CLIP1: variants seen among roughly 807,000 people sequenced by gnomAD.
The protein encoded by CLIP1 is CAP-Gly domain containing linker protein 1, also known as CAP-Gly domain-containing linker protein 1.
CLIP1 carries 66 observed loss-of-function variants against 161.6 expected under a neutral mutation model. The ratio of observed to expected loss-of-function variants is 0.41; its 90% confidence interval spans 0.33 to 0.50. The LOEUF is 0.50. Among genes scored for constraint, CLIP1 ranks in the 20% least tolerant of loss-of-function variants. CLIP1 has a pLI of 0.27. For synonymous variants in CLIP1, 598 were observed against 626.2 expected, an observed-to-expected ratio of 0.96 and a Z score of 0.67; for missense variants, 1,376 against 1,702.0, an observed-to-expected ratio of 0.81 and a Z score of 3.37.
intron 20 of CLIP1, among the ~76,000 whole-genome samples, chr12:122,307,260 G>A (rs1384390710): frequency 6.6e-6 from 1 of 151,914 alleles, no homozygotes; most frequent in African/African-American, 2.4e-5. Context: ...ACCCGCCTCG[G>A]CCTCCCAAAA....
chr12:122,271,967 A>T lies in CLIP1; in HGVS notation c.*908T>A, dbSNP rs1179424093. On this transcript the variant is annotated 3_prime_UTR_variant, in exon 26 of 26. Coordinates refer to ENST00000620786, the MANE Select transcript of CLIP1 (RefSeq NM_001247997.2). The stretch of plus-strand genomic sequence containing the variant: ...AAAATTGGAGAAAATTCCTCCAGTT[A>T]TTTAAATCTGGTGAAGAAATAAAAG... 1 of 152,652 alleles carries T rather than the reference A, an allele frequency of 6.6e-6. No individual in the cohort carries two copies. The highest frequency in any genetic ancestry group is 1.5e-5 in the Non-Finnish European group (1 of 68,044). The allele number at this position is 152,652 out of a possible 1,614,324, so 9.5% of individuals were successfully genotyped here. A position where few individuals can be genotyped will look rare whatever the true frequency, so the allele number is the denominator to read the frequency against.
At chr12:122,297,227 C>T (rs1950509022) in intron 20 of CLIP1, among the ~76,000 whole-genome samples, 1 of 152,100 alleles carries the variant, frequency 6.6e-6, no homozygotes, top group Non-Finnish European at 1.5e-5. Flanking sequence ...GGTTTTATGT[C>T]TGTCAGCTAC....
intron 1 of CLIP1, among the ~76,000 whole-genome samples, chr12:122,388,063 T>A (rs188972319): frequency 6.6e-6 from 1 of 152,038 alleles, no homozygotes; most frequent in African/African-American, 2.4e-5. Flanking sequence ...TATTCAAGAG[T>A]CAACTATACA....
At chr12:122,419,913 C>T (rs1240659627) in intron 1 of CLIP1, among the ~76,000 whole-genome samples, 1 of 110,924 alleles carries the variant, frequency 9.0e-6, no homozygotes, top group African/African-American at 3.4e-5. Flanking sequence ...GAGCGAGATG[C>T]GAGACTCTGT....
At chr12:122,358,695 C>CT (rs2136541424) in intron 5 of CLIP1, among the ~76,000 whole-genome samples, 1 of 150,594 alleles carries the variant, frequency 6.6e-6, no homozygotes, top group African/African-American at 2.4e-5. Context: ...TTGTAAAATG[C>CT]TTATTACATT....
chr12:122,281,707 C>T (rs12823325), intron 21 of CLIP1, among the ~76,000 whole-genome samples: 33,738 of 151,222 alleles, frequency 0.22, 4,887 homozygotes, highest in East Asian at 0.62. Context: ...GAGCAAGACC[C>T]CGTCTGAAAA....
At chr12:122,343,074 A>G (rs1290485940) in intron 10 of CLIP1, 1 of 151,882 alleles carries the variant, frequency 6.6e-6, no homozygotes, top group Non-Finnish European at 1.5e-5. Context: ...AAATGTTTCA[A>G]TGAATAACAC....
At chr12:122,332,471 A>C (rs1315014326) in intron 15 of CLIP1, among the ~76,000 whole-genome samples, 1 of 151,964 alleles carries the variant, frequency 6.6e-6, no homozygotes, top group Non-Finnish European at 1.5e-5. Flanking sequence ...CCCAGGCTAG[A>C]GTGCAGTGGC....
intron 5 of CLIP1, among the ~76,000 whole-genome samples, chr12:122,359,923 A>G (rs1023408334): frequency 6.6e-6 from 1 of 152,182 alleles, no homozygotes; most frequent in Non-Finnish European, 1.5e-5. Flanking sequence ...TATTTGCCCC[A>G]CTTCTAGGTA....
At chr12:122,356,240 A>C (rs543106807) in intron 5 of CLIP1, 34 of 152,346 alleles carry the variant, frequency 2.2e-4, no homozygotes, top group African/African-American at 7.2e-4. Context: ...TGTGGTTCCC[A>C]AACCATGTGC....
rs770973031 is a variant in CLIP1, at chr12:122,271,745, T to A, written c.*1130A>T. The A allele has an allele frequency of 6.6e-6, 1 of 152,650 alleles. No individual in the cohort carries two copies. The highest frequency in any genetic ancestry group is 1.5e-5 in the Non-Finnish European group (1 of 68,048). The allele number at this position is 152,650 out of a possible 1,614,324, so 9.5% of individuals were successfully genotyped here. A position where few individuals can be genotyped will look rare whatever the true frequency, so the allele number is the denominator to read the frequency against. On this transcript the variant is annotated 3_prime_UTR_variant, in exon 26 of 26. Transcript: ENST00000620786. ...TAGATTCAAACTGGTCGATAAACTG[T>A]TCAGGTGCTTTGAGGTCCTTCATTT...
intron 5 of CLIP1, among the ~76,000 whole-genome samples, chr12:122,356,967 T>C (rs1016895294): frequency 1.9e-4 from 29 of 152,278 alleles, no homozygotes; most frequent in Admixed American, 1.9e-3. Flanking sequence ...TGGAGTGCAG[T>C]AGCGTGATCT....
At chr12:122,289,705 G>A (rs1286614958) in intron 20 of CLIP1, among the ~76,000 whole-genome samples, 1 of 151,960 alleles carries the variant, frequency 6.6e-6, no homozygotes, top group East Asian at 1.9e-4. Flanking sequence ...AAAAACAAAA[G>A]ATTCAGGTAG....
At chr12:122,283,229 C>T (rs761797144) in intron 21 of CLIP1, among the ~76,000 whole-genome samples, 2 of 152,124 alleles carry the variant, frequency 1.3e-5, no homozygotes, top group Non-Finnish European at 2.9e-5. Context: ...CAATGCAAGG[C>T]ATACCCTGCT....
intron 17 of CLIP1, among the ~76,000 whole-genome samples, chr12:122,325,589 C>T (rs1477142282): frequency 6.6e-6 from 1 of 152,098 alleles, no homozygotes; most frequent in African/African-American, 2.4e-5. Flanking sequence ...TCAAGCGATC[C>T]TCTTTTAAGC....
chr12:122,352,839 T>C, intron 7 of CLIP1, 53 bp from the exon 8 acceptor site: 1 of 1,464,264 alleles, frequency 6.8e-7, no homozygotes, highest in Non-Finnish European at 9.6e-7. Context: ...ACACACAGCC[T>C]TTAAAAAAAC....
intron 3 of CLIP1, among the ~76,000 whole-genome samples, chr12:122,366,770 G>A (rs1226391434): frequency 1.3e-5 from 2 of 152,172 alleles, no homozygotes. Flanking sequence ...GAACCAAGGA[G>A]GCAGAGGTTG....
chr12:122,293,730 G>C (rs61954384), intron 20 of CLIP1, among the ~76,000 whole-genome samples: 10,306 of 151,676 alleles, frequency 0.068, 375 homozygotes, highest in Middle Eastern at 0.13. Flanking sequence ...CGCCCGCCTC[G>C]GCCTCCCAAA....
At chr12:122,419,645 G>GCA (rs1390434052) in intron 1 of CLIP1, among the ~76,000 whole-genome samples, 1 of 151,570 alleles carries the variant, frequency 6.6e-6, no homozygotes, top group Non-Finnish European at 1.5e-5. Flanking sequence ...CACTTAAAAA[G>GCA]CAAGAATCGG....
Sources: gnomAD v4.1 joint callset for allele counts (sites outside exome capture counted in the v4.1 genomes callset) on GRCh38, gnomAD v4.1.1 for gene constraint, MANE v1.5 for transcripts, NCBI Gene and HGNC (gene_info 2026-07-23, HGNC 2026-07-21) for gene names.